Variants in SYNE1 observed in about 807,000 individuals in gnomAD.
The protein encoded by SYNE1 is nesprin-1.
Under a neutral mutation model 1,111.0 loss-of-function variants are expected in SYNE1, and 616 were observed. That is an observed-to-expected ratio of 0.55 (90% CI 0.52 to 0.59). SYNE1 has a LOEUF of 0.59. SYNE1 is among the 20% of genes least tolerant of loss of function. The pLI is 0.00. For missense variants in SYNE1, 10,006 were observed against 10,417.0 expected (o/e 0.96, Z 1.72); for synonymous variants, 3,855 against 3,825.8 (o/e 1.01, Z -0.28).
intron 78 of SYNE1, among the ~76,000 whole-genome samples, chr6:152,329,250 G>C (rs1485433962): frequency 6.6e-6 from 1 of 152,178 alleles, no homozygotes; most frequent in Admixed American, 6.5e-5. Flanking sequence ...ACCTGGCCAG[G>C]CACGGTGGCT....
intron 99 of SYNE1, 93 bp from the exon 100 acceptor site, chr6:152,268,258 TC>T: frequency 1.0e-6 from 1 of 1,002,140 alleles, no homozygotes; most frequent in East Asian, 2.4e-5. Flanking sequence ...TCAGAGAACT[TC>T]GGTAGTGAGC....
chr6:152,176,549 C>A lies in SYNE1; in HGVS notation c.23472G>T (p.Glu7824Asp). 1 of 1,614,072 alleles carries A rather than the reference C, an allele frequency of 6.2e-7. No individual in the cohort carries two copies. The highest frequency in any genetic ancestry group is 8.5e-7 in the Non-Finnish European group (1 of 1,179,962). ...TGTTCTCTTGAGCAATAGCAATTTC[C>A]TCTTGATAATCCTGTGTAATAAATA... Reference protein sequence around the residue: ...MIEKLKKDYQEEIAIAQENKI... With the variant: ...MIEKLKKDYQDEIAIAQENKI... The change falls in exon 130 of 146, where the codon GAG becomes GAT. Residue 7824 changes from glutamate to aspartate, a missense_variant. Around this residue, in one of 7 missense-constraint regions of SYNE1, gnomAD observed 2,182 missense variants for 2,287.8 expected, o/e 0.95. Coordinates refer to ENST00000367255, the MANE Select transcript of SYNE1 (RefSeq NM_182961.4).
intron 93 of SYNE1, among the ~76,000 whole-genome samples, chr6:152,294,427 C>T (rs1278210632): frequency 6.6e-6 from 1 of 152,086 alleles, no homozygotes; most frequent in Non-Finnish European, 1.5e-5. Flanking sequence ...AGGATTTAAG[C>T]AGTACACATG....
chr6:152,519,208 G>A (rs897022897), intron 6 of SYNE1, among the ~76,000 whole-genome samples: 1 of 152,104 alleles, frequency 6.6e-6, no homozygotes, highest in African/African-American at 2.4e-5. Context: ...GAGGGCCTAG[G>A]AGAAATGATG....
chr6:152,179,897 A>C (rs1223001782), intron 129 of SYNE1, among the ~76,000 whole-genome samples: 4 of 151,638 alleles, frequency 2.6e-5, no homozygotes, highest in Non-Finnish European at 5.9e-5. Flanking sequence ...GTTGGCCAGG[A>C]TGGTCTTGAT....
chr6:152,427,666 T>A (rs1308937661), intron 38 of SYNE1, 27 bp downstream of exon 38: 11 of 1,613,740 alleles, frequency 6.8e-6, no homozygotes, highest in Non-Finnish European at 9.3e-6. Context: ...TTTTATTTTT[T>A]CCTTCCTCAC....
intron 7 of SYNE1, 36 bp downstream of exon 7, chr6:152,510,975 A>G: frequency 1.3e-6 from 2 of 1,574,676 alleles, no homozygotes; most frequent in Non-Finnish European, 1.7e-6. Flanking sequence ...CCTCTGAGAC[A>G]TTGCATCAAC....
chr6:152,488,061 T>C (rs892734757), intron 12 of SYNE1, among the ~76,000 whole-genome samples: 1 of 131,114 alleles, frequency 7.6e-6, no homozygotes, highest in African/African-American at 3.2e-5. Context: ...GGAGAGAGAG[T>C]GAGACTCCGT....
chr6:152,202,371 C>G (rs149479151), intron 126 of SYNE1, among the ~76,000 whole-genome samples: 33 of 110,942 alleles, frequency 3.0e-4, no homozygotes, highest in Admixed American at 4.6e-4. Flanking sequence ...AAAAAAAAAG[C>G]AAAAAAAAAA....
chr6:152,132,334 A>G, intron 143 of SYNE1, 120 bp from the exon 144 acceptor site: 1 of 885,236 alleles, frequency 1.1e-6, no homozygotes, highest in South Asian at 1.4e-5. Context: ...CATAAAAATC[A>G]AACCATTCCT....
chr6:152,636,205 C>T (rs747955095), intron 2 of SYNE1, among the ~76,000 whole-genome samples: 1 of 152,160 alleles, frequency 6.6e-6, no homozygotes, highest in African/African-American at 2.4e-5. Context: ...TTCCCTCCCC[C>T]AGCCCTTCCT....
In SYNE1 at chr6:152,224,665, CT is replaced by C; in HGVS notation, c.21352-2del. On this transcript the variant is annotated splice_acceptor_variant, in intron 116 of 145. Transcript: ENST00000367255. LOFTEE classifies it high-confidence loss of function. ...TCAGCAGTATCTTTAATTGTCCAAC[CT>C]TTTGAAAAAGACAAATATGGCTTAT... 4 of 1,613,466 alleles carry C rather than the reference CT, an allele frequency of 2.5e-6. No homozygotes were observed. The highest frequency in any genetic ancestry group is 3.4e-6 in the Non-Finnish European group (4 of 1,179,816).
intron 72 of SYNE1, among the ~76,000 whole-genome samples, chr6:152,348,357 T>C (rs969441638): frequency 6.6e-6 from 1 of 152,182 alleles, no homozygotes; most frequent in Non-Finnish European, 1.5e-5. Flanking sequence ...AGCATTCTTA[T>C]AGATGACTCA....
At chr6:152,440,897 T>A (rs1411149036) in intron 32 of SYNE1, among the ~76,000 whole-genome samples, 1 of 152,130 alleles carries the variant, frequency 6.6e-6, no homozygotes, top group African/African-American at 2.4e-5. Flanking sequence ...TCTATACACA[T>A]CTATTAGGGA....
chr6:152,284,267 G>T, intron 95 of SYNE1, 95 bp from the exon 96 acceptor site: 1 of 1,286,224 alleles, frequency 7.8e-7, no homozygotes, highest in Non-Finnish European at 1.1e-6. Flanking sequence ...GGGATTAGCG[G>T]AAGAGATTTC....
chr6:152,312,706 AT>A (rs1252939343), intron 87 of SYNE1, among the ~76,000 whole-genome samples: 1 of 150,914 alleles, frequency 6.6e-6, no homozygotes, highest in Non-Finnish European at 1.5e-5. Flanking sequence ...AATATTGAAA[AT>A]ATAAAGAAGA....
chr6:152,127,708 G>T (rs1302629131), intron 145 of SYNE1: 2 of 152,100 alleles, frequency 1.3e-5, no homozygotes, highest in Non-Finnish European at 2.9e-5. Flanking sequence ...GAGGGGAGAG[G>T]CTCTGTGCTG....
chr6:152,171,207 C>G (rs2065124942), intron 130 of SYNE1, among the ~76,000 whole-genome samples: 1 of 152,196 alleles, frequency 6.6e-6, no homozygotes, highest in Admixed American at 6.5e-5. Flanking sequence ...TTATGATTCT[C>G]ATTTTATACA....
rs141164314 is a variant in SYNE1, at chr6:152,442,172, C to A, written c.3911G>T (p.Gly1304Val). The A allele has an allele frequency of 1.8e-5, 29 of 1,613,704 alleles. No individual in the cohort carries two copies. The highest frequency in any genetic ancestry group is 2.7e-5 in the African/African-American group (2 of 74,930). The change falls in exon 31 of 146, where the codon GGG (glycine) becomes GTG (valine). Residue 1304 changes from glycine to valine, a missense_variant. Gly to Val is a moderately radical substitution (Grantham distance 109). This residue lies in a region of SYNE1 where 1,971 missense variants were observed against 2,084.1 expected (regional missense o/e 0.95). Transcript: ENST00000367255. ...CTCGTGGCCTCGGTCAGGCAGCCCC[C>A]CTTCTCCCTGCTGCGCCTGCGCGAT... is the stretch of plus-strand genomic sequence containing the variant. ...QQIAQAQQGE[G>V]GLPDRGHEEL...
Sources: allele counts gnomAD v4.1 joint callset (sites outside exome capture counted in the v4.1 genomes callset), GRCh38; gene constraint gnomAD v4.1.1; regional missense constraint gnomAD v4.1.1; transcripts MANE v1.5; gene names NCBI Gene and HGNC (gene_info 2026-07-23, HGNC 2026-07-21).